Variants in GPC5 observed in about 807,000 individuals in gnomAD.
The protein encoded by GPC5 is glypican 5.
Under a neutral mutation model 53.9 loss-of-function variants are expected in GPC5, and 47 were observed. The ratio of observed to expected loss-of-function variants is 0.87; its 90% CI spans 0.69 to 1.11. GPC5 has a LOEUF of 1.11. GPC5 is among the 50% of genes most tolerant of loss of function. GPC5 has a pLI of 0.00. For synonymous variants in GPC5, 286 were observed against 263.3 expected, an observed-to-expected ratio of 1.09 and a Z score of -0.84; for missense variants, 748 against 713.1, an observed-to-expected ratio of 1.05 and a Z score of -0.56.
rs1344790638 is a variant in GPC5, at chr13:91,977,957, AAG to A, written c.1401+69902_1401+69903del. Among the ~76,000 whole-genome samples, 264 of 30,298 alleles carry A rather than the reference AAG, an allele frequency of 8.7e-3. 3 individuals are homozygous for A. Among genetic ancestry groups the A allele is most frequent in the East Asian group, 0.027 (10 of 372 alleles). The allele number at this position is 30,298 out of a possible 152,430, so 19.9% of individuals were successfully genotyped here. ...CGAGACCGCCATCTCTAAAAGAAAAAAGAAAGAAAGAAAGAAAGAAAGAAAGA... is the reference window on the plus strand; with the variant it reads ...CGAGACCGCCATCTCTAAAAGAAAAAAAAGAAAGAAAGAAAGAAAGAAAGA... On this transcript the variant is annotated intron_variant, in intron 6 of 7. Transcript: ENST00000377067.
At chr13:91,518,169 G>T (rs1338531107) in intron 2 of GPC5, among the ~76,000 whole-genome samples, 1 of 152,092 alleles carries the variant, frequency 6.6e-6, no homozygotes, top group African/African-American at 2.4e-5. Context: ...ACTGTTTTAA[G>T]AAACATCCAA....
At chr13:91,614,384 G>C (rs9652103) in intron 2 of GPC5, among the ~76,000 whole-genome samples, 1 of 151,928 alleles carries the variant, frequency 6.6e-6, no homozygotes, top group South Asian at 2.1e-4. Flanking sequence ...CTGGACTGCA[G>C]TGGCATGATC....
chr13:91,569,382 A>G (rs1350629274), intron 2 of GPC5, among the ~76,000 whole-genome samples: 1 of 152,114 alleles, frequency 6.6e-6, no homozygotes, highest in Non-Finnish European at 1.5e-5. Context: ...TATAAAATAT[A>G]TATGTTTCTC....
At chr13:91,790,103 G>A (rs566537264) in intron 5 of GPC5, among the ~76,000 whole-genome samples, 1 of 152,304 alleles carries the variant, frequency 6.6e-6, no homozygotes, top group African/African-American at 2.4e-5. Flanking sequence ...CTCAATGTGA[G>A]TTGTGGTGAG....
At chr13:91,435,397 G>T (rs1035629776) in intron 1 of GPC5, among the ~76,000 whole-genome samples, 1 of 152,072 alleles carries the variant, frequency 6.6e-6, no homozygotes, top group Non-Finnish European at 1.5e-5. Flanking sequence ...TAGCATGAAG[G>T]GTTGTTGAAT....
intron 7 of GPC5, among the ~76,000 whole-genome samples, chr13:92,272,040 C>T (rs948269743): frequency 2.6e-5 from 4 of 152,142 alleles, no homozygotes; most frequent in Admixed American, 1.3e-4. Context: ...ACATCCTTTC[C>T]ATTCTGATTG....
At chr13:91,881,901 T>C (rs2039267630) in intron 5 of GPC5, among the ~76,000 whole-genome samples, 1 of 152,284 alleles carries the variant, frequency 6.6e-6, no homozygotes, top group African/African-American at 2.4e-5. Flanking sequence ...AAACCTAATC[T>C]AATCCACAAA....
chr13:92,784,624 A>ATAT (rs1876150254), intron 7 of GPC5, among the ~76,000 whole-genome samples: 1 of 152,176 alleles, frequency 6.6e-6, no homozygotes, highest in Non-Finnish European at 1.5e-5. Flanking sequence ...ACTTTTGAAA[A>ATAT]TATTTAGCAA....
chr13:92,176,706 G>A (rs1039379157), intron 7 of GPC5, among the ~76,000 whole-genome samples: 4 of 152,042 alleles, frequency 2.6e-5, no homozygotes, highest in African/African-American at 9.7e-5. Flanking sequence ...CCTCCCTCCA[G>A]AGTGCCTGGA....
intron 7 of GPC5, among the ~76,000 whole-genome samples, chr13:92,556,494 G>T (rs1882497987): frequency 6.6e-6 from 1 of 151,614 alleles, no homozygotes; most frequent in African/African-American, 2.4e-5. Context: ...TAATATCCAT[G>T]ATGTGACAGG....
intron 2 of GPC5, among the ~76,000 whole-genome samples, chr13:91,652,111 T>A (rs1444558376): frequency 1.3e-5 from 2 of 152,134 alleles, no homozygotes; most frequent in Non-Finnish European, 2.9e-5. Context: ...AGACTCCTAG[T>A]GGATGCCTGA....
intron 3 of GPC5, among the ~76,000 whole-genome samples, chr13:91,715,696 A>ACAT (rs2036320723): frequency 6.6e-6 from 1 of 152,062 alleles, no homozygotes; most frequent in South Asian, 2.1e-4. Context: ...TAAATACCAC[A>ACAT]CATGATACCT....
At chr13:92,585,215 A>G (rs1347127156) in intron 7 of GPC5, among the ~76,000 whole-genome samples, 1 of 152,088 alleles carries the variant, frequency 6.6e-6, no homozygotes, top group African/African-American at 2.4e-5. Flanking sequence ...GACACTCAAC[A>G]CTAGCCCATG....
intron 6 of GPC5, among the ~76,000 whole-genome samples, chr13:91,967,146 G>T (rs1163934797): frequency 6.6e-6 from 1 of 152,146 alleles, no homozygotes; most frequent in Non-Finnish European, 1.5e-5. Flanking sequence ...GCAGACAAGA[G>T]TGAATGAGAG....
intron 7 of GPC5, among the ~76,000 whole-genome samples, chr13:92,174,016 G>A (rs958693285): frequency 6.6e-6 from 1 of 151,946 alleles, no homozygotes; most frequent in Non-Finnish European, 1.5e-5. Context: ...GAGGTGGGAG[G>A]ATCACTTGAG....
chr13:91,450,913 T>C (rs1428673793), intron 2 of GPC5, among the ~76,000 whole-genome samples: 1 of 152,176 alleles, frequency 6.6e-6, no homozygotes, highest in Non-Finnish European at 1.5e-5. Context: ...ATACCCACTT[T>C]TATTGAATTG....
chr13:91,575,071 G>A (rs2032083054), intron 2 of GPC5, among the ~76,000 whole-genome samples: 1 of 152,156 alleles, frequency 6.6e-6, no homozygotes, highest in Non-Finnish European at 1.5e-5. Context: ...CTGAAGAGTA[G>A]TGACTGCATG....
intron 1 of GPC5, among the ~76,000 whole-genome samples, chr13:91,428,367 T>C (rs1204735998): frequency 3.9e-5 from 6 of 152,110 alleles, no homozygotes; most frequent in Non-Finnish European, 7.4e-5. Context: ...GGTTTTAGAA[T>C]AGGGAAATGC....
chr13:92,645,170 A>G (rs1885726409), intron 7 of GPC5, among the ~76,000 whole-genome samples: 1 of 152,088 alleles, frequency 6.6e-6, no homozygotes, highest in African/African-American at 2.4e-5. Context: ...CCTTTCTACC[A>G]TGCCTAGCTT....
Sources: allele counts gnomAD v4.1 joint callset (sites outside exome capture counted in the v4.1 genomes callset), GRCh38; gene constraint gnomAD v4.1.1; transcripts MANE v1.5; gene names NCBI Gene and HGNC (gene_info 2026-07-23, HGNC 2026-07-21).